UNC5C: variants seen among roughly 807,000 people sequenced by gnomAD.
UNC5C encodes unc-5 netrin receptor C.
Under a neutral mutation model 99.8 loss-of-function variants are expected in UNC5C, and 47 were observed. The ratio of observed to expected loss-of-function variants is 0.47; its 90% CI spans 0.37 to 0.60. The LOEUF is 0.60. UNC5C is among the 20% of genes least tolerant of loss of function. The probability of loss-of-function intolerance (pLI) is 0.00; values close to 1 mark genes in which losing one functional copy is unlikely to be tolerated. For synonymous variants in UNC5C, 487 were observed against 452.2 expected (o/e 1.08, Z -0.98); for missense variants, 1,062 against 1,165.9 (o/e 0.91, Z 1.30).
chr4:95,258,514 G>A (rs939312435), intron 4 of UNC5C, among the ~76,000 whole-genome samples: 1 of 152,116 alleles, frequency 6.6e-6, no homozygotes, highest in Non-Finnish European at 1.5e-5. Flanking sequence ...TGTCATGGTT[G>A]CAATGATGCA....
intron 1 of UNC5C, among the ~76,000 whole-genome samples, chr4:95,383,236 C>G (rs1433154751): frequency 6.6e-6 from 1 of 151,112 alleles, no homozygotes; most frequent in East Asian, 2.0e-4. Context: ...CATCAGTTAT[C>G]TGAGAAATAT....
At chr4:95,469,808 A>C (rs932787913) in intron 1 of UNC5C, among the ~76,000 whole-genome samples, 2 of 152,156 alleles carry the variant, frequency 1.3e-5, no homozygotes, top group African/African-American at 2.4e-5. Flanking sequence ...GAAAATAAAC[A>C]TGTGGGAACC....
At chr4:95,325,920 G>C (rs1742866307) in intron 2 of UNC5C, among the ~76,000 whole-genome samples, 1 of 152,058 alleles carries the variant, frequency 6.6e-6, no homozygotes, top group Non-Finnish European at 1.5e-5. Flanking sequence ...ACAAATAATT[G>C]TATTGCATAG....
chr4:95,414,886 T>C (rs1746114518), intron 1 of UNC5C, among the ~76,000 whole-genome samples: 1 of 152,198 alleles, frequency 6.6e-6, no homozygotes, highest in Non-Finnish European at 1.5e-5. Flanking sequence ...ATAATTATGC[T>C]GAAAAGATGA....
chr4:95,533,444 T>G (rs1722703420), intron 1 of UNC5C, among the ~76,000 whole-genome samples: 1 of 151,738 alleles, frequency 6.6e-6, no homozygotes, highest in Admixed American at 6.6e-5. Context: ...ATTATTTTAT[T>G]AATATTTTAA....
At chr4:95,330,879 G>A (rs985885796) in intron 2 of UNC5C, among the ~76,000 whole-genome samples, 1 of 152,002 alleles carries the variant, frequency 6.6e-6, no homozygotes, top group Non-Finnish European at 1.5e-5. Flanking sequence ...AGATTGTATA[G>A]TGGTAAAGTC....
chr4:95,284,065 A>G (rs938213549), intron 3 of UNC5C, among the ~76,000 whole-genome samples: 1 of 152,182 alleles, frequency 6.6e-6, no homozygotes, highest in Non-Finnish European at 1.5e-5. Flanking sequence ...CCCTTTGGAC[A>G]CACACATGTG....
chr4:95,258,489 T>C (rs1740089485), intron 4 of UNC5C, among the ~76,000 whole-genome samples: 1 of 152,142 alleles, frequency 6.6e-6, no homozygotes, highest in South Asian at 2.1e-4. Context: ...ACTTCAACCA[T>C]AAACCATGAC....
At chr4:95,169,527 T>C in intron 15 of UNC5C, 128 bp from the exon 16 acceptor site, 3 of 1,042,174 alleles carry the variant, frequency 2.9e-6, no homozygotes, top group Non-Finnish European at 4.1e-6. Context: ...CAGTGAGCCA[T>C]CCTAAATAAC....
At chr4:95,487,961 A>C (rs1299122315) in intron 1 of UNC5C, among the ~76,000 whole-genome samples, 1 of 151,788 alleles carries the variant, frequency 6.6e-6, no homozygotes, top group Admixed American at 6.6e-5. Flanking sequence ...AGAAGGTTGA[A>C]GAGAATTTTA....
In UNC5C at chr4:95,214,960, G is replaced by T. The variant is rs759888214; in HGVS notation, c.1733+1164C>A. Among the ~76,000 whole-genome samples the T allele has an allele frequency of 2.0e-5, 3 of 152,228 alleles. No individual in the cohort carries two copies. The East Asian group carries it at 5.8e-4, about 29-fold the overall frequency. On this transcript the variant is annotated intron_variant, in intron 10 of 15. Transcript: ENST00000453304. ...ATACAAGCCTTTTAGTGATTTTTCT[G>T]TTGCTCAAATTTAAGGCATGAATAA...
intron 1 of UNC5C, among the ~76,000 whole-genome samples, chr4:95,425,717 C>G (rs1217289957): frequency 6.6e-6 from 1 of 152,082 alleles, no homozygotes; most frequent in East Asian, 1.9e-4. Context: ...TTTGAATACC[C>G]AAAGAAATTG....
At chr4:95,196,552 C>T (rs1370459667) in intron 12 of UNC5C, among the ~76,000 whole-genome samples, 1 of 151,356 alleles carries the variant, frequency 6.6e-6, no homozygotes, top group East Asian at 1.9e-4. Context: ...AATTGCTAAA[C>T]ACAGCTTTTA....
rs1436050643 is a variant in UNC5C, at chr4:95,372,696, AT to A, written c.125-37066del. ...AAAATTAGATCTAAGGCATATTACA[AT>A]AGAAATAGATATAAAATATAGCACT... is the stretch of plus-strand genomic sequence containing the variant. On this transcript the variant is annotated intron_variant, in intron 1 of 15. Coordinates refer to ENST00000453304, the MANE Select transcript of UNC5C (RefSeq NM_003728.4). 2.0e-5 allele frequency among the ~76,000 whole-genome samples: 3 copies of A among 152,180 alleles called. No homozygotes were observed. In the East Asian group the frequency reaches 5.8e-4, roughly 29 times the overall value.
At chr4:95,191,664 T>G (rs183516959) in intron 12 of UNC5C, among the ~76,000 whole-genome samples, 11 of 148,666 alleles carry the variant, frequency 7.4e-5, no homozygotes, top group East Asian at 2.1e-4. Context: ...GTTCGCCGCC[T>G]CCTCTGTTCA....
chr4:95,509,896 A>T (rs1722023345), intron 1 of UNC5C, among the ~76,000 whole-genome samples: 1 of 151,926 alleles, frequency 6.6e-6, no homozygotes, highest in Non-Finnish European at 1.5e-5. Context: ...AGAACATTCC[A>T]AAAGAAGAGT....
intron 12 of UNC5C, among the ~76,000 whole-genome samples, chr4:95,190,166 AAT>A (rs1737012406): frequency 3.9e-5 from 6 of 152,226 alleles, no homozygotes; most frequent in Non-Finnish European, 8.8e-5. Flanking sequence ...AGCCATAAAA[AAT>A]GATGAGTTCA....
At chr4:95,539,958 A>G (rs942603065) in intron 1 of UNC5C, among the ~76,000 whole-genome samples, 1 of 151,946 alleles carries the variant, frequency 6.6e-6, no homozygotes, top group Non-Finnish European at 1.5e-5. Flanking sequence ...TAGTAAATAA[A>G]CTATAATATT....
chr4:95,458,355 T>C (rs1747503200), intron 1 of UNC5C, among the ~76,000 whole-genome samples: 1 of 152,090 alleles, frequency 6.6e-6, no homozygotes, highest in South Asian at 2.1e-4. Flanking sequence ...CTGAATATGA[T>C]TGTTCTGTCA....
Sources: allele counts gnomAD v4.1 joint callset (sites outside exome capture counted in the v4.1 genomes callset), GRCh38; gene constraint gnomAD v4.1.1; transcripts MANE v1.5; gene names NCBI Gene and HGNC (gene_info 2026-07-23, HGNC 2026-07-21).